Variants in EIF4G3 observed in about 807,000 individuals in gnomAD.
EIF4G3 encodes eukaryotic translation initiation factor 4 gamma 3.
In EIF4G3, 34 loss-of-function variants were observed where a neutral mutation model predicts 186.4. That is an observed-to-expected ratio of 0.18 (90% CI 0.14 to 0.24). The LOEUF (loss-of-function observed/expected upper bound fraction) is 0.24, where lower values mean the gene tolerates loss of function less well. Ranked by LOEUF, EIF4G3 falls within the 10% of genes least tolerant of loss-of-function variation. The pLI is 1.00. For missense variants in EIF4G3, 1,536 were observed against 1,948.5 expected (o/e 0.79, Z 3.99); for synonymous variants, 673 against 679.5 (o/e 0.99, Z 0.15).
intron 28 of EIF4G3, among the ~76,000 whole-genome samples, chr1:20,850,009 T>C (rs1396616015): frequency 6.6e-6 from 1 of 152,172 alleles, no homozygotes; most frequent in East Asian, 1.9e-4. Flanking sequence ...ACCTGTTTCA[T>C]TCCTACTGGT....
intron 14 of EIF4G3, among the ~76,000 whole-genome samples, chr1:20,926,542 G>C (rs536264772): frequency 2.0e-5 from 3 of 152,100 alleles, no homozygotes; most frequent in Non-Finnish European, 4.4e-5. Context: ...GTGGTGTCAC[G>C]CATCTGTGGT....
At chr1:20,883,160 A>G (rs2082942019) in intron 19 of EIF4G3, among the ~76,000 whole-genome samples, 1 of 152,186 alleles carries the variant, frequency 6.6e-6, no homozygotes, top group Non-Finnish European at 1.5e-5. Context: ...CAAATGAAGC[A>G]CGAAACACAG....
chr1:21,003,285 T>C (rs1436606369), intron 4 of EIF4G3, among the ~76,000 whole-genome samples: 1 of 151,644 alleles, frequency 6.6e-6, no homozygotes, highest in East Asian at 1.9e-4. Flanking sequence ...CTGAACAACT[T>C]TTTAATTTTT....
intron 30 of EIF4G3, among the ~76,000 whole-genome samples, chr1:20,833,121 A>C (rs1233730151): frequency 2.4e-5 from 3 of 124,888 alleles, no homozygotes; most frequent in Admixed American, 1.8e-4. Context: ...TATGAACTTT[A>C]AAGTAGTTTT....
chr1:21,153,948 G>T (rs547419949), intron 2 of EIF4G3, among the ~76,000 whole-genome samples: 2 of 151,936 alleles, frequency 1.3e-5, no homozygotes, highest in Non-Finnish European at 2.9e-5. Context: ...CATGCTGTTG[G>T]GTTTCACAGG....
chr1:20,890,481 T>G (rs915314359), intron 18 of EIF4G3, among the ~76,000 whole-genome samples: 1 of 150,892 alleles, frequency 6.6e-6, no homozygotes, highest in Non-Finnish European at 1.5e-5. Context: ...CTCACTCTGT[T>G]GCCCAGGCTG....
chr1:20,947,254 G>A (rs2095993323), intron 13 of EIF4G3, among the ~76,000 whole-genome samples: 1 of 151,998 alleles, frequency 6.6e-6, no homozygotes, highest in Non-Finnish European at 1.5e-5. Flanking sequence ...TGAAGTGAGA[G>A]GACTGCTTGA....
Position 21,176,264 on chromosome 1 carries a change from C to T in EIF4G3, c.-361G>A, listed in dbSNP as rs867464911. 3.1e-4 allele frequency: 94 copies of T among 304,572 alleles called. No individual in the cohort carries two copies. The highest frequency in any genetic ancestry group is 6.7e-4 in the South Asian group (6 of 8,958). 18.9% of individuals were successfully genotyped at this position (304,572 alleles called of 1,614,324 possible). On this transcript the variant is annotated 5_prime_UTR_variant, in exon 2 of 37. Transcript: ENST00000602326. The stretch of plus-strand genomic sequence containing the variant: ...CCGCCGCCGCCGCCGCCGCCGCCGC[C>T]GCTGCTGCCGCCGCCGGGTGAGGAG...
At position 21,126,143 on chromosome 1, in the gene EIF4G3, G is replaced by T. The variant is rs371463582; in HGVS notation, c.-271-36930C>A. On this transcript the variant is annotated intron_variant, in intron 2 of 36. Transcript: ENST00000602326. ...GATTGCTTGAGCCCAGGAAGTCGAG[G>T]CTACAGCGAGCCATAATCATGCCAC... Among the ~76,000 whole-genome samples, 9 of 151,516 alleles carry T rather than the reference G, an allele frequency of 5.9e-5. No homozygotes were observed. The East Asian group carries it at 1.6e-3, about 26-fold the overall frequency.
At chr1:20,831,218 T>C (rs2065070348) in intron 30 of EIF4G3, among the ~76,000 whole-genome samples, 1 of 152,030 alleles carries the variant, frequency 6.6e-6, no homozygotes, top group African/African-American at 2.4e-5. Context: ...TTTTATTTAC[T>C]GGGTTTTTGT....
intron 4 of EIF4G3, among the ~76,000 whole-genome samples, chr1:21,042,692 T>C (rs1571554426): frequency 6.6e-6 from 1 of 152,226 alleles, no homozygotes; most frequent in Admixed American, 6.5e-5. Flanking sequence ...GACAATATTA[T>C]ACATGTCTAC....
At chr1:20,808,999 G>A (rs2058699709) in intron 36 of EIF4G3, among the ~76,000 whole-genome samples, 1 of 151,540 alleles carries the variant, frequency 6.6e-6, no homozygotes, top group African/African-American at 2.4e-5. Flanking sequence ...TTTAAATGGA[G>A]TTTTGCTCTT....
chr1:20,881,521 T>C (rs1348361381), intron 19 of EIF4G3, among the ~76,000 whole-genome samples: 3 of 152,178 alleles, frequency 2.0e-5, no homozygotes, highest in African/African-American at 7.2e-5. Flanking sequence ...GTATGGTGGC[T>C]CATGCCTATA....
At position 21,133,022 on chromosome 1, in the gene EIF4G3, G is replaced by A. The variant is rs370529596; in HGVS notation, c.-272+43153C>T. On this transcript the variant is annotated intron_variant, in intron 2 of 36. Transcript: ENST00000602326. Reference sequence around the variant, plus strand: ...TAGTCTTGAACTCCTGGGCTCAAGCGATCCACCCACCTCGGCCTCCCCAAG... The same window carrying A: ...TAGTCTTGAACTCCTGGGCTCAAGCAATCCACCCACCTCGGCCTCCCCAAG... Among the ~76,000 whole-genome samples the A allele has an allele frequency of 3.4e-4, 51 of 152,142 alleles. No individual in the cohort carries two copies. In the East Asian group the frequency reaches 5.8e-3, roughly 17 times the overall value.
At chr1:21,040,790 A>C (rs2093526489) in intron 4 of EIF4G3, among the ~76,000 whole-genome samples, 1 of 152,202 alleles carries the variant, frequency 6.6e-6, no homozygotes, top group Admixed American at 6.5e-5. Context: ...TCAGCTTAAA[A>C]GGCAGACAAG....
intron 12 of EIF4G3, among the ~76,000 whole-genome samples, chr1:20,958,193 A>C (rs2096484366): frequency 6.6e-6 from 1 of 152,224 alleles, no homozygotes; most frequent in Non-Finnish European, 1.5e-5. Context: ...CAAAAAGATA[A>C]TTTATCATGA....
At chr1:20,828,224 G>GT (rs2064170532) in intron 31 of EIF4G3, among the ~76,000 whole-genome samples, 1 of 151,940 alleles carries the variant, frequency 6.6e-6, no homozygotes, top group Middle Eastern at 3.2e-3. Flanking sequence ...TAGAGACAGG[G>GT]TTTCACCATG....
At chr1:21,044,526 T>C (rs1241057297) in intron 4 of EIF4G3, among the ~76,000 whole-genome samples, 1 of 152,110 alleles carries the variant, frequency 6.6e-6, no homozygotes, top group Non-Finnish European at 1.5e-5. Flanking sequence ...TCCTCTACTT[T>C]ATCATGGTTA....
chr1:20,948,750 T>G (rs1447980750), intron 13 of EIF4G3, among the ~76,000 whole-genome samples: 2 of 152,032 alleles, frequency 1.3e-5, no homozygotes, highest in Non-Finnish European at 1.5e-5. Context: ...GCCTCAGGCC[T>G]GCAATCCCAG....
Sources: allele counts gnomAD v4.1 joint callset (sites outside exome capture counted in the v4.1 genomes callset), GRCh38; gene constraint gnomAD v4.1.1; transcripts MANE v1.5; gene names NCBI Gene and HGNC (gene_info 2026-07-23, HGNC 2026-07-21).